SHANK2: variants seen among roughly 807,000 people sequenced by gnomAD.
The protein encoded by SHANK2 is SH3 and multiple ankyrin repeat domains protein 2.
In SHANK2, 43 loss-of-function variants were observed where a neutral mutation model predicts 133.7. The ratio of observed to expected loss-of-function variants is 0.32; its 90% CI spans 0.25 to 0.41. The LOEUF (loss-of-function observed/expected upper bound fraction) is 0.41. Among genes scored for constraint, SHANK2 ranks in the 10% least tolerant of loss-of-function variants. SHANK2 has a pLI of 1.00. For synonymous variants in SHANK2, 1,017 were observed against 952.8 expected (o/e 1.07, Z -1.24); for missense variants, 1,994 against 2,235.8 (o/e 0.89, Z 2.18).
At chr11:70,620,982 G>A (rs575149130) in intron 17 of SHANK2, among the ~76,000 whole-genome samples, 3 of 152,312 alleles carry the variant, frequency 2.0e-5, no homozygotes, top group South Asian at 2.1e-4. Flanking sequence ...TGTGGGGTCC[G>A]GTATGACGTA....
At chr11:71,235,999 C>T (rs575954442) in intron 1 of SHANK2, among the ~76,000 whole-genome samples, 8 of 152,298 alleles carry the variant, frequency 5.3e-5, no homozygotes, top group Admixed American at 2.6e-4. Flanking sequence ...CAGGTGCTGG[C>T]GGCAGAGCCA....
intron 17 of SHANK2, among the ~76,000 whole-genome samples, chr11:70,615,634 C>T (rs2060729484): frequency 6.6e-6 from 1 of 152,148 alleles, no homozygotes; most frequent in Admixed American, 6.5e-5. Context: ...TCCCTTGCTG[C>T]ATATCTGTAA....
At chr11:70,858,043 G>T (rs991596993) in intron 11 of SHANK2, among the ~76,000 whole-genome samples, 1 of 152,202 alleles carries the variant, frequency 6.6e-6, no homozygotes, top group Non-Finnish European at 1.5e-5. Flanking sequence ...GAATTATTCA[G>T]ATCATAGCAC....
intron 2 of SHANK2, among the ~76,000 whole-genome samples, chr11:71,213,633 T>A: frequency 6.6e-6 from 1 of 152,138 alleles, no homozygotes; most frequent in Non-Finnish European, 1.5e-5. Context: ...CTTCTGATGT[T>A]CCCCACACTC....
chr11:70,610,117 T>C (rs2136379898), intron 17 of SHANK2, among the ~76,000 whole-genome samples: 1 of 151,940 alleles, frequency 6.6e-6, no homozygotes, highest in South Asian at 2.1e-4. Context: ...GTCTCGGTGG[T>C]GGTCACACAG....
chr11:70,489,122 G>T, intron 24 of SHANK2: 1 of 593,186 alleles, frequency 1.7e-6, no homozygotes, highest in Non-Finnish European at 3.0e-6. Flanking sequence ...CATTCGATAA[G>T]GGTATTCCAA....
chr11:70,521,911 T>G (rs1257275692), intron 17 of SHANK2, among the ~76,000 whole-genome samples: 2 of 152,224 alleles, frequency 1.3e-5, no homozygotes, highest in Non-Finnish European at 2.9e-5. Context: ...CTCCTACTGG[T>G]GGGTCTGGTG....
chr11:70,735,112 C>T (rs559381706), intron 14 of SHANK2, among the ~76,000 whole-genome samples: 4 of 152,194 alleles, frequency 2.6e-5, no homozygotes, highest in Admixed American at 6.5e-5. Context: ...GGCCTCCCCC[C>T]AGGTGGGCAG....
At chr11:70,838,784 G>A (rs527391732) in intron 11 of SHANK2, among the ~76,000 whole-genome samples, 1 of 152,298 alleles carries the variant, frequency 6.6e-6, no homozygotes, top group South Asian at 2.1e-4. Flanking sequence ...GTAGACTTCA[G>A]GGCCCTCCAC....
At chr11:70,935,270 C>G (rs970612339) in intron 10 of SHANK2, among the ~76,000 whole-genome samples, 2 of 152,102 alleles carry the variant, frequency 1.3e-5, no homozygotes, top group Non-Finnish European at 2.9e-5. Context: ...TCTCAGTTCT[C>G]AGATGAAAAA....
chr11:71,203,164 A>AG (rs1954053497), intron 2 of SHANK2, among the ~76,000 whole-genome samples: 1 of 152,070 alleles, frequency 6.6e-6, no homozygotes, highest in South Asian at 2.1e-4. Context: ...ACCATCTGTG[A>AG]GGGGGAGGCG....
chr11:71,192,027 A>C (rs1953804043), intron 2 of SHANK2, among the ~76,000 whole-genome samples: 1 of 149,060 alleles, frequency 6.7e-6, no homozygotes, highest in Non-Finnish European at 1.5e-5. Flanking sequence ...TACCTGGATA[A>C]TTTTTGTATT....
At chr11:70,595,372 CT>C (rs1390563420) in intron 17 of SHANK2, among the ~76,000 whole-genome samples, 1 of 152,232 alleles carries the variant, frequency 6.6e-6, no homozygotes, top group Admixed American at 6.5e-5. Flanking sequence ...TCTGCAGCAA[CT>C]TGGAATTTAA....
At chr11:70,664,205 AAC>A (rs1944637082) in intron 15 of SHANK2, among the ~76,000 whole-genome samples, 1 of 152,100 alleles carries the variant, frequency 6.6e-6, no homozygotes. Context: ...CCACAACGAG[AAC>A]ACAGACTTGT....
intron 14 of SHANK2, among the ~76,000 whole-genome samples, chr11:70,781,476 TC>T (rs1344135058): frequency 6.8e-6 from 1 of 147,666 alleles, no homozygotes; most frequent in Non-Finnish European, 1.5e-5. Flanking sequence ...TTGGTCATCC[TC>T]AAAGCTGCAG....
intron 2 of SHANK2, among the ~76,000 whole-genome samples, chr11:71,172,220 C>A (rs569327832): frequency 6.6e-6 from 1 of 152,312 alleles, no homozygotes; most frequent in Non-Finnish European, 1.5e-5. Context: ...TCTTCCCTGA[C>A]CTCACACAAG....
intron 3 of SHANK2, among the ~76,000 whole-genome samples, chr11:71,137,478 C>A (rs540285271): frequency 9.2e-5 from 14 of 152,106 alleles, no homozygotes; most frequent in African/African-American, 1.9e-4. Flanking sequence ...CCAGCCCCCC[C>A]AAAGGAGGCT....
At position 71,139,177 on chromosome 11, in the gene SHANK2, G is replaced by A. The variant is rs190104978; in HGVS notation, c.207+7943C>T. 1.3e-4 allele frequency among the ~76,000 whole-genome samples: 20 copies of A among 152,270 alleles called. No homozygotes were observed. In the East Asian group the frequency reaches 2.3e-3, roughly 18 times the overall value. ...CGTCTGCTGGGAGGTGGGCCAGGTC[G>A]CAAGGATCAGCCCTCAGAGTGACAG... On this transcript the variant is annotated intron_variant, in intron 3 of 25. Transcript: ENST00000601538.
chr11:70,548,136 C>T (rs1554976752), intron 17 of SHANK2, among the ~76,000 whole-genome samples: 1 of 152,214 alleles, frequency 6.6e-6, no homozygotes, highest in Non-Finnish European at 1.5e-5. Context: ...CAAGGATGGC[C>T]GGCAGGGGTT....
Sources: allele counts gnomAD v4.1 joint callset (sites outside exome capture counted in the v4.1 genomes callset), GRCh38; gene constraint gnomAD v4.1.1; transcripts MANE v1.5; gene names NCBI Gene and HGNC (gene_info 2026-07-23, HGNC 2026-07-21).